VCPKMT: variants seen among roughly 807,000 people sequenced by gnomAD.
VCPKMT encodes the protein valosin containing protein lysine methyltransferase.
VCPKMT carries 32 observed loss-of-function variants against 28.6 expected under a neutral mutation model. That is an observed-to-expected ratio of 1.12 (90% CI 0.84 to 1.50). VCPKMT has a LOEUF of 1.50. Among genes scored for constraint, VCPKMT ranks in the 40% most tolerant of loss-of-function variants. The pLI is 0.00. For synonymous variants in VCPKMT, 138 were observed against 111.4 expected (o/e 1.24, Z -1.50); for missense variants, 366 against 285.0 (o/e 1.28, Z -2.05).
chr14:50,109,441 T>A lies in VCPKMT; in HGVS notation c.*258A>T. 8.3e-7 allele frequency: 1 copy of A among 1,201,406 alleles called. No individual in the cohort carries two copies. The highest frequency in any genetic ancestry group is 1.0e-6 in the Non-Finnish European group (1 of 968,632). 74.4% of individuals were successfully genotyped at this position (1,201,406 alleles called of 1,614,324 possible). A position where few individuals can be genotyped will look rare whatever the true frequency, so the allele number is the denominator to read the frequency against. On this transcript the variant is annotated 3_prime_UTR_variant, in exon 6 of 6. Coordinates refer to ENST00000395860, the MANE Select transcript of VCPKMT (RefSeq NM_024558.3). ...ACCAATTTTTATTTGAATAACTGAT[T>A]CCCAACATTTAAGAAGAACTTGATG... is the stretch of plus-strand genomic sequence containing the variant.
intron 5 of VCPKMT, 21 bp downstream of exon 5, chr14:50,112,594 A>G: frequency 6.9e-7 from 1 of 1,440,984 alleles, no homozygotes. Flanking sequence ...TGGAGAATGA[A>G]GAACTGAGAA....
chr14:50,112,872 C>A (rs1345439449), intron 4 of VCPKMT, among the ~76,000 whole-genome samples, 153 bp from the exon 5 acceptor site: 2 of 152,106 alleles, frequency 1.3e-5, no homozygotes, highest in Admixed American at 6.5e-5. Flanking sequence ...CTGCAACCTC[C>A]ACCTCCCTGG....
At chr14:50,112,182 T>C in intron 5 of VCPKMT, 1 of 489,428 alleles carries the variant, frequency 2.0e-6, no homozygotes. Flanking sequence ...AGCTAATAAC[T>C]TGTCTGAGGT....
rs774848233 is a variant in VCPKMT at position 50,116,536 on chromosome 14, TC to T, written c.16del (p.Glu6SerfsTer61). On this transcript the variant is annotated frameshift_variant, in exon 1 of 6. Transcript: ENST00000395860. LOFTEE classifies it high-confidence loss of function. The stretch of plus-strand genomic sequence containing the variant: ...CCGCAGTGGGTCCTCCAGCGAGGAC[TC>T]CAGCGTATCCGCCATTGCGCCCGGC... MADTL[E>X]SSLEDPLRSF... The T allele has an allele frequency of 6.2e-7, 1 of 1,610,414 alleles. No individual in the cohort carries two copies. Among genetic ancestry groups the T allele is most frequent in the East Asian group, 2.2e-5 (1 of 44,798 alleles).
downstream of VCPKMT, chr14:50,106,489 T>C (rs1358917186): frequency 2.2e-5 from 21 of 939,346 alleles, no homozygotes; most frequent in Non-Finnish European, 2.5e-5. Flanking sequence ...CTCCTTCATG[T>C]TGTTGCAGAA....
At chr14:50,106,014 CTA>C (rs1484456012), downstream of VCPKMT, among the ~76,000 whole-genome samples, 18 of 152,326 alleles carry the variant, frequency 1.2e-4, no homozygotes. Context: ...GGGGCCCACT[CTA>C]TTCACAGATG....
intron 5 of VCPKMT, among the ~76,000 whole-genome samples, chr14:50,112,354 T>C (rs141709986): frequency 3.9e-4 from 49 of 125,428 alleles, no homozygotes; most frequent in African/African-American, 1.5e-3. Context: ...GACACCAGTC[T>C]AGGCAACACG....
the VCPKMT span, among the ~76,000 whole-genome samples, chr14:50,103,527 G>A: frequency 6.6e-6 from 1 of 152,190 alleles, no homozygotes; most frequent in Non-Finnish European, 1.5e-5. Context: ...TAAGGGTCCA[G>A]GGCGGTGGAA....
chr14:50,104,412 G>A (rs2139421949), downstream of VCPKMT, among the ~76,000 whole-genome samples: 1 of 152,260 alleles, frequency 6.6e-6, no homozygotes, highest in East Asian at 1.9e-4. Context: ...CAATATTATG[G>A]AAAGTAAAAA....
In VCPKMT at chr14:50,116,269, C is replaced by T. The variant is rs1883198584; in HGVS notation, c.266+18G>A. ...GCAAGAAGGCGCCCCCACATCCCGC[C>T]CGCCCGCCAGCTCTTACCCGAGGGT... On this transcript the variant is annotated intron_variant, in intron 1 of 5. Transcript: ENST00000395860. 1.2e-6 allele frequency: 2 copies of T among 1,605,258 alleles called. No individual in the cohort carries two copies. The highest frequency in any genetic ancestry group is 1.7e-4 in the Middle Eastern group (1 of 6,052).
At chr14:50,112,406 A>G (rs1882747800) in intron 5 of VCPKMT, among the ~76,000 whole-genome samples, 1 of 150,054 alleles carries the variant, frequency 6.7e-6, no homozygotes. Context: ...AAAAAAAAAA[A>G]AAAAAAAAAA....
Position 50,109,411 on chromosome 14 carries a change from TCAATAC to T in VCPKMT, c.*282_*287del, listed in dbSNP as rs1395088108. ...GTTTTTGGCAGATTTCAGCCTCGCCTCAATACCAATTTTTATTTGAATAACTGATTC... is the reference window on the plus strand; with the variant it reads ...GTTTTTGGCAGATTTCAGCCTCGCCTCAATTTTTATTTGAATAACTGATTC... On this transcript the variant is annotated 3_prime_UTR_variant, in exon 6 of 6. Transcript: ENST00000395860. 14 of 1,139,426 alleles carry T rather than the reference TCAATAC, an allele frequency of 1.2e-5. No individual in the cohort carries two copies. The highest frequency in any genetic ancestry group is 1.6e-5 in the African/African-American group (1 of 62,136). 70.6% of individuals were successfully genotyped at this position (1,139,426 alleles called of 1,614,324 possible). A position where few individuals can be genotyped will look rare whatever the true frequency, so the allele number is the denominator to read the frequency against.
the VCPKMT span, among the ~76,000 whole-genome samples, chr14:50,102,907 G>A: frequency 6.6e-6 from 1 of 152,214 alleles, no homozygotes; most frequent in Non-Finnish European, 1.5e-5. Context: ...CAAACAGAAA[G>A]GCCTTGCAAG....
chr14:50,112,395 G>GAAAAAAA (rs59968443), intron 5 of VCPKMT, among the ~76,000 whole-genome samples: 1 of 11,998 alleles, frequency 8.3e-5, no homozygotes, highest in Non-Finnish European at 1.4e-4. Context: ...AAAAATACGA[G>GAAAAAAA]AAAAAAAAAA....
chr14:50,111,694 A>G (rs1882673622), intron 5 of VCPKMT: 1 of 827,022 alleles, frequency 1.2e-6, no homozygotes, highest in Non-Finnish European at 1.5e-6. Context: ...CCTGGACAAC[A>G]TGGCAAAACC....
At chr14:50,112,802 T>C (rs1421222421) in intron 4 of VCPKMT, 83 bp from the exon 5 acceptor site, 2 of 977,704 alleles carry the variant, frequency 2.0e-6, no homozygotes, top group Non-Finnish European at 3.0e-6. Context: ...CTGGTTACTT[T>C]TTTTTTGAGA....
At chr14:50,105,988 T>C (rs1022225373), downstream of VCPKMT, among the ~76,000 whole-genome samples, 5 of 152,276 alleles carry the variant, frequency 3.3e-5, no homozygotes, top group Non-Finnish European at 5.9e-5. Context: ...AAGTGGTTTT[T>C]TGTCCGTATG....
chr14:50,106,316 A>G (rs538004284), downstream of VCPKMT, among the ~76,000 whole-genome samples: 6 of 152,232 alleles, frequency 3.9e-5, no homozygotes, highest in African/African-American at 9.6e-5. Context: ...CTGCATTCTG[A>G]TAAGTAGTTT....
chr14:50,102,972 C>T, the VCPKMT span, among the ~76,000 whole-genome samples: 2 of 152,228 alleles, frequency 1.3e-5, no homozygotes, highest in East Asian at 1.9e-4. Context: ...GCTCATGGGC[C>T]GCATATGGCC....
Sources: allele counts gnomAD v4.1 joint callset (sites outside exome capture counted in the v4.1 genomes callset), GRCh38; gene constraint gnomAD v4.1.1; transcripts MANE v1.5; gene names NCBI Gene and HGNC (gene_info 2026-07-23, HGNC 2026-07-21).